Variants in FHIT observed in about 807,000 individuals in gnomAD.
The protein encoded by FHIT is fragile histidine triad diadenosine triphosphatase.
In FHIT, 19 loss-of-function variants were observed where a neutral mutation model predicts 17.9. That is an observed-to-expected ratio of 1.06 (90% CI 0.74 to 1.56). The LOEUF is 1.56. Ranked by LOEUF, FHIT falls within the 40% of genes most tolerant of loss-of-function variation. The pLI, the probability that FHIT is intolerant of heterozygous loss-of-function variation, is 0.00. For missense variants in FHIT, 248 were observed against 189.2 expected (o/e 1.31, Z -1.82); for synonymous variants, 81 against 69.7 (o/e 1.16, Z -0.81).
chr3:61,222,106 G>C (rs1448584883), intron 1 of FHIT, among the ~76,000 whole-genome samples: 1 of 152,186 alleles, frequency 6.6e-6, no homozygotes, highest in African/African-American at 2.4e-5. Context: ...TCTCCATCTG[G>C]AAGACTCTCT....
intron 5 of FHIT, among the ~76,000 whole-genome samples, chr3:60,430,636 T>G (rs1402196334): frequency 6.6e-6 from 1 of 152,122 alleles, no homozygotes; most frequent in African/African-American, 2.4e-5. Context: ...CTTCACTGTA[T>G]TTTTATAACT....
chr3:59,869,092 T>A (rs187971497), intron 8 of FHIT, among the ~76,000 whole-genome samples: 2 of 152,302 alleles, frequency 1.3e-5, no homozygotes, highest in Admixed American at 1.3e-4. Flanking sequence ...GAAGCACTAT[T>A]ATCAGAAAGA....
At chr3:60,458,026 G>A (rs1461544370) in intron 5 of FHIT, among the ~76,000 whole-genome samples, 10 of 152,210 alleles carry the variant, frequency 6.6e-5, no homozygotes, top group East Asian at 3.9e-4. Context: ...TCAGTGTGGC[G>A]GTTCCTCAGG....
intron 5 of FHIT, among the ~76,000 whole-genome samples, chr3:60,395,142 G>C (rs1357901264): frequency 6.6e-6 from 1 of 152,178 alleles, no homozygotes; most frequent in Non-Finnish European, 1.5e-5. Context: ...TGAGTAGAAA[G>C]GTCAGGCTAG....
chr3:60,665,716 T>A (rs2107833374), intron 4 of FHIT, among the ~76,000 whole-genome samples: 1 of 152,188 alleles, frequency 6.6e-6, no homozygotes, highest in East Asian at 1.9e-4. Context: ...TTATGTTCTA[T>A]TATTCACTTT....
At chr3:60,215,096 T>A (rs1044539343) in intron 5 of FHIT, among the ~76,000 whole-genome samples, 2 of 152,006 alleles carry the variant, frequency 1.3e-5, no homozygotes, top group African/African-American at 4.8e-5. Context: ...GACAGGATCA[T>A]TCATCCACCA....
chr3:60,582,895 G>C (rs1176929532), intron 4 of FHIT, among the ~76,000 whole-genome samples: 1 of 151,944 alleles, frequency 6.6e-6, no homozygotes, highest in Non-Finnish European at 1.5e-5. Context: ...AAGCTGAGAA[G>C]TGTTCAAAGA....
chr3:60,173,915 A>ATATATATATATATATTTTTTTTTTT, intron 5 of FHIT, among the ~76,000 whole-genome samples: 4 of 66,428 alleles, frequency 6.0e-5, no homozygotes, highest in Non-Finnish European at 5.5e-5. Context: ...ATATATATAT[A>ATATATATATATATATTTTTTTTTTT]TGTTTTTTTT....
At chr3:60,007,641 T>C (rs1405294664) in intron 7 of FHIT, among the ~76,000 whole-genome samples, 1 of 152,196 alleles carries the variant, frequency 6.6e-6, no homozygotes, top group African/African-American at 2.4e-5. Flanking sequence ...ATATATTTAA[T>C]ATAAATTTTA....
intron 5 of FHIT, among the ~76,000 whole-genome samples, chr3:60,502,652 C>G (rs796668200): frequency 2.1e-4 from 32 of 152,234 alleles, no homozygotes; most frequent in African/African-American, 7.7e-4. Context: ...ATGTACCAGA[C>G]ATTGTGTTAA....
chr3:60,144,621 A>T (rs1037354316), intron 5 of FHIT, among the ~76,000 whole-genome samples: 1 of 152,172 alleles, frequency 6.6e-6, no homozygotes, highest in Non-Finnish European at 1.5e-5. Context: ...TGAATACATT[A>T]TAATTGTACA....
At chr3:60,878,114 G>A (rs1704755908) in intron 3 of FHIT, among the ~76,000 whole-genome samples, 1 of 152,086 alleles carries the variant, frequency 6.6e-6, no homozygotes, top group African/African-American at 2.4e-5. Context: ...CTGAGCCAGG[G>A]CTGTATCCTA....
At chr3:59,933,858 A>T (rs1706093147) in intron 7 of FHIT, among the ~76,000 whole-genome samples, 1 of 152,194 alleles carries the variant, frequency 6.6e-6, no homozygotes, top group Non-Finnish European at 1.5e-5. Context: ...GGAAAAACAA[A>T]GAAGAAAGGA....
intron 2 of FHIT, among the ~76,000 whole-genome samples, chr3:61,114,856 G>A (rs1479091846): frequency 6.6e-6 from 1 of 152,124 alleles, no homozygotes; most frequent in Non-Finnish European, 1.5e-5. Context: ...TAAGCTGGGG[G>A]CTTCCCACCT....
At chr3:61,208,550 T>A (rs1003405713) in intron 1 of FHIT, among the ~76,000 whole-genome samples, 1 of 152,144 alleles carries the variant, frequency 6.6e-6, no homozygotes, top group Admixed American at 6.5e-5. Context: ...ATTGAATTGA[T>A]CCCTTTACCA....
chr3:60,218,713 G>A (rs1703814099), intron 5 of FHIT, among the ~76,000 whole-genome samples: 1 of 151,916 alleles, frequency 6.6e-6, no homozygotes, highest in African/African-American at 2.4e-5. Context: ...ACCCATATAT[G>A]GTACTTTTCT....
chr3:60,291,044 G>A lies in FHIT; in HGVS notation c.103+245816C>T, dbSNP rs80231247. 3.9e-3 allele frequency among the ~76,000 whole-genome samples: 597 copies of A among 152,204 alleles called. 13 individuals carry two copies. In the South Asian group the frequency reaches 0.051, roughly 13 times the overall value. Reference sequence around the variant, plus strand: ...AAAAATCTCCAGATGAGACTAAAGCGGCCTCATTGTCTGGGATGATAATCA... The same window carrying A: ...AAAAATCTCCAGATGAGACTAAAGCAGCCTCATTGTCTGGGATGATAATCA... On this transcript the variant is annotated intron_variant, in intron 5 of 9. Transcript: ENST00000492590.
intron 4 of FHIT, among the ~76,000 whole-genome samples, chr3:60,744,246 T>TAAAAAAAAAAAAAAAGAAA (rs368982395): frequency 3.2e-5 from 1 of 30,920 alleles, no homozygotes; most frequent in South Asian, 1.3e-3. Flanking sequence ...GGAAGTAATG[T>TAAAAAAAAAAAAAAAGAAA]AAAAAAAAAA....
At chr3:59,907,022 C>T (rs1039434605) in intron 8 of FHIT, among the ~76,000 whole-genome samples, 13 of 152,214 alleles carry the variant, frequency 8.5e-5, no homozygotes, top group African/African-American at 2.9e-4. Context: ...GTCATAGAAT[C>T]ACAAAGTATC....
Sources: gnomAD v4.1 joint callset for allele counts (sites outside exome capture counted in the v4.1 genomes callset) on GRCh38, gnomAD v4.1.1 for gene constraint, MANE v1.5 for transcripts, NCBI Gene and HGNC (gene_info 2026-07-23, HGNC 2026-07-21) for gene names.